Variants in HERC5 observed in about 807,000 individuals in gnomAD.
HERC5 encodes the protein HECT and RLD domain containing E3 ubiquitin protein ligase 5.
A neutral mutation model predicts 119.6 loss-of-function variants in HERC5; 99 were observed. That is an observed-to-expected ratio of 0.83 (90% CI 0.70 to 0.98). The LOEUF (loss-of-function observed/expected upper bound fraction) is 0.98. Ranked by LOEUF, HERC5 falls within the 50% of genes least tolerant of loss-of-function variation. The pLI is 0.00. For synonymous variants in HERC5, 478 were observed against 445.9 expected, an observed-to-expected ratio of 1.07 and a Z score of -0.91; for missense variants, 1,267 against 1,241.3, an observed-to-expected ratio of 1.02 and a Z score of -0.31.
At chr4:88,472,846 A>G (rs773835373) in intron 11 of HERC5, among the ~76,000 whole-genome samples, 29 of 152,138 alleles carry the variant, frequency 1.9e-4, no homozygotes, top group African/African-American at 6.3e-4. Flanking sequence ...AACATTTTAT[A>G]TGCAAAGCAT....
At chr4:88,467,800 G>A in intron 7 of HERC5, 1 of 646,254 alleles carries the variant, frequency 1.5e-6, no homozygotes, top group Non-Finnish European at 1.9e-6. Context: ...CAGAGTCTGA[G>A]CTCTGAAACA....
intron 11 of HERC5, among the ~76,000 whole-genome samples, chr4:88,474,824 CTAAT>C (rs1183390685): frequency 6.6e-6 from 1 of 151,988 alleles, no homozygotes; most frequent in Non-Finnish European, 1.5e-5. Context: ...GTTAAATGAC[CTAAT>C]TAATATATGT....
rs1362134804 is a variant in HERC5, at chr4:88,467,141, G to A, written c.994G>A (p.Gly332Arg). The A allele has an allele frequency of 6.2e-7, 1 of 1,614,026 alleles. No homozygotes were observed. The highest frequency in any genetic ancestry group is 1.3e-5 in the African/African-American group (1 of 74,916). ...SGKDGQLGNG[G>R]TRDQLMPLPV... ...AAAAGATGGACAACTGGGAAATGGT[G>A]GAACACGTGACCAGCTGATGCCGCT... is the stretch of plus-strand genomic sequence containing the variant. The change falls in exon 7 of 23, where the codon GGA becomes AGA. Residue 332 changes from glycine (G) to arginine (R), a missense_variant. Gly to Arg is a moderately radical substitution (Grantham distance 125). This residue lies in a region of HERC5 where 777 missense variants were observed against 758.0 expected (regional missense o/e 1.03). Transcript: ENST00000264350.
rs111667763 is a variant in HERC5 at position 88,504,454 on chromosome 4, C to T, written c.2766+39C>T. ...TCTAAGTTGATTAAATTCAGTTTTC[C>T]TTCCTATTTCCTCAATAACTTTTTT... On this transcript the variant is annotated intron_variant, in intron 21 of 22. Coordinates refer to ENST00000264350, the MANE Select transcript of HERC5 (RefSeq NM_016323.4). The T allele has an allele frequency of 2.6e-6, 4 of 1,565,876 alleles. No homozygotes were observed. The African/African-American group carries it at 4.1e-5, about 16-fold the overall frequency.
In HERC5 at chr4:88,494,224, C is replaced by G. The variant is rs1741737162; in HGVS notation, c.2337C>G (p.Phe779Leu). Residue 779 changes from phenylalanine (F) to leucine (L), a missense_variant, in exon 18 of 23, where the codon TTC becomes TTG. Transcript: ENST00000264350. ...FFGVLCGLSL[F>L]NCNVANLPFP... is the part of the protein sequence containing the mutation. ...GGGTTCTATGTGGACTTTCCCTGTTCAATTGCAATGTTGCCAACCTTCCTT... is the reference window on the plus strand; with the variant it reads ...GGGTTCTATGTGGACTTTCCCTGTTGAATTGCAATGTTGCCAACCTTCCTT... 1 of 1,613,054 alleles carries G rather than the reference C, an allele frequency of 6.2e-7. No homozygotes were observed. The highest frequency in any genetic ancestry group is 8.5e-7 in the Non-Finnish European group (1 of 1,179,446).
intron 16 of HERC5, among the ~76,000 whole-genome samples, chr4:88,491,723 G>T (rs573215919): frequency 6.6e-6 from 1 of 152,158 alleles, no homozygotes; most frequent in Non-Finnish European, 1.5e-5. Context: ...AGTTTGGCAA[G>T]AGTGGAAGGA....
At position 88,460,078 on chromosome 4, in the gene HERC5, G is replaced by C. The variant is rs775962643; in HGVS notation, c.390-17G>C. ...TTCATTATGGTGATTAACACAAAGTGTATTTTCCTTCATCAGGTTTGAAAG... is the reference window on the plus strand; with the variant it reads ...TTCATTATGGTGATTAACACAAAGTCTATTTTCCTTCATCAGGTTTGAAAG... On this transcript the variant is annotated splice_polypyrimidine_tract_variant and intron_variant, in intron 2 of 22. Transcript: ENST00000264350. The C allele has an allele frequency of 8.9e-6, 12 of 1,348,194 alleles. No homozygotes were observed. The highest frequency in any genetic ancestry group is 1.4e-5 in the African/African-American group (1 of 69,746). 83.5% of individuals were successfully genotyped at this position (1,348,194 alleles called of 1,614,324 possible). A position where few individuals can be genotyped will look rare whatever the true frequency, so the allele number is the denominator to read the frequency against.
Position 88,504,276 on chromosome 4 carries a change from C to G in HERC5, c.2627C>G (p.Ser876Cys). The G allele has an allele frequency of 6.2e-7, 1 of 1,610,924 alleles. No homozygotes were observed. The highest frequency in any genetic ancestry group is 8.5e-7 in the Non-Finnish European group (1 of 1,177,612). The change falls in exon 21 of 23, where the codon TCT becomes TGT. Residue 876 changes from serine to cysteine, a missense_variant. Coordinates refer to ENST00000264350, the MANE Select transcript of HERC5 (RefSeq NM_016323.4). ...TATATCAATTACATTTTCAACGACT[C>G]TGTAAAGGCGGTTTATGAAGAATTT... is the stretch of plus-strand genomic sequence containing the variant. ...SKYINYIFNDSVKAVYEEFRR... is the reference protein window; with the variant it reads ...SKYINYIFNDCVKAVYEEFRR...
rs780147043 is a variant in HERC5, at chr4:88,475,938, C to G, written c.1490C>G (p.Pro497Arg). Reference protein sequence around the residue: ...LEIFFLLPECPMMHISNNWES... With the variant: ...LEIFFLLPECRMMHISNNWES... ...ATTTTCTTCCTTCTCCCAGAATGTC[C>G]TATGATGCATATTTCCAACAACTGG... Residue 497 changes from proline to arginine, a missense_variant, in exon 12 of 23, where the codon CCT becomes CGT. Physicochemically the swap from Pro to Arg is moderately radical, Grantham distance 103. Around this residue, in one of 3 missense-constraint regions of HERC5, gnomAD observed 777 missense variants for 758.0 expected, o/e 1.03. Coordinates refer to ENST00000264350, the MANE Select transcript of HERC5 (RefSeq NM_016323.4). 3.7e-6 allele frequency: 6 copies of G among 1,613,754 alleles called. No homozygotes were observed. The highest frequency in any genetic ancestry group is 4.2e-6 in the Non-Finnish European group (5 of 1,179,878).
At chr4:88,492,832 G>T (rs188524317) in intron 16 of HERC5, among the ~76,000 whole-genome samples, 180 bp from the exon 17 acceptor site, 1 of 152,220 alleles carries the variant, frequency 6.6e-6, no homozygotes, top group South Asian at 2.1e-4. Flanking sequence ...TCAAGGCCTC[G>T]TTATCTCATA....
At position 88,494,335 on chromosome 4, in the gene HERC5, A is replaced by G. The variant is rs1249186901; in HGVS notation, c.2444+4A>G. The G allele has an allele frequency of 6.2e-7, 1 of 1,610,888 alleles. No individual in the cohort carries two copies. The highest frequency in any genetic ancestry group is 2.2e-5 in the East Asian group (1 of 44,724). ...AACTCAGTCCTGATTTGGGAAAGTA[A>G]GTAAACAGAGTTCCTGAGAAAGGAC... On this transcript the variant is annotated splice_donor_region_variant and intron_variant, in intron 18 of 22. Coordinates refer to ENST00000264350, the MANE Select transcript of HERC5 (RefSeq NM_016323.4).
chr4:88,474,656 A>G (rs1399949296), intron 11 of HERC5, among the ~76,000 whole-genome samples: 1 of 152,188 alleles, frequency 6.6e-6, no homozygotes, highest in Admixed American at 6.5e-5. Context: ...CTCATAATAT[A>G]ATGATTAAGA....
intron 3 of HERC5, 111 bp downstream of exon 3, chr4:88,460,282 A>C: frequency 1.9e-6 from 1 of 522,032 alleles, no homozygotes; most frequent in Non-Finnish European, 3.4e-6. Flanking sequence ...ACAGTTTTGA[A>C]TTTGATATGG....
In HERC5 at chr4:88,479,607, C is replaced by T. The variant is rs539917279; in HGVS notation, c.1737+100C>T. 173 of 912,058 alleles carry T rather than the reference C, an allele frequency of 1.9e-4. No individual in the cohort carries two copies. In the African/African-American group the frequency reaches 1.9e-3, roughly 10 times the overall value. The allele number at this position is 912,058 out of a possible 1,614,324, so 56.5% of individuals were successfully genotyped here. A position where few individuals can be genotyped will look rare whatever the true frequency, so the allele number is the denominator to read the frequency against. ...TTTAAGTAGACTCGTGTGAGACATA[C>T]GAAGTTTATATTGCTATTTTTTTAA... On this transcript the variant is annotated intron_variant, in intron 13 of 22. Coordinates refer to ENST00000264350, the MANE Select transcript of HERC5 (RefSeq NM_016323.4).
At chr4:88,501,058 T>G (rs1578069336) in intron 20 of HERC5, 73 bp downstream of exon 20, 2 of 1,007,892 alleles carry the variant, frequency 2.0e-6, no homozygotes, top group East Asian at 5.0e-5. Flanking sequence ...AAAATTCCTT[T>G]TAGCTCTTTA....
chr4:88,467,029 G>GAATC, intron 6 of HERC5, 30 bp from the exon 7 acceptor site: 2 of 1,610,110 alleles, frequency 1.2e-6, no homozygotes, highest in Non-Finnish European at 1.7e-6. Context: ...GGATAATTAA[G>GAATC]AATTGACCAT....
intron 22 of HERC5, among the ~76,000 whole-genome samples, chr4:88,505,393 A>ATGACACCTCTTCGGGCTGTC (rs1168461991): frequency 2.0e-5 from 3 of 152,322 alleles, no homozygotes; most frequent in Non-Finnish European, 4.4e-5. Context: ...ACTTAACTCC[A>ATGACACCTCTTCGGGCTGTC]TGACACCTCT....
intron 17 of HERC5, 45 bp downstream of exon 17, chr4:88,493,200 G>T (rs758267111): frequency 6.3e-7 from 1 of 1,585,730 alleles, no homozygotes; most frequent in Non-Finnish European, 8.6e-7. Flanking sequence ...GACAGAAAAA[G>T]TACACCATAT....
In HERC5 at chr4:88,462,253, G is replaced by A; in HGVS notation, c.585G>A (p.Gln195=). Reference sequence around the variant, plus strand: ...ACCTCGCAGGAGTACCCTTGGCTCAGATTTCTGCCGGAGAAGCCCACAGCA... The same window carrying A: ...ACCTCGCAGGAGTACCCTTGGCTCAAATTTCTGCCGGAGAAGCCCACAGCA... The part of the protein sequence containing the change: ...VEHLAGVPLA[Q]ISAGEAHSMA... Residue 195 remains glutamine, a synonymous_variant, in exon 4 of 23, where the codon CAG becomes CAA. Transcript: ENST00000264350. 6.2e-7 allele frequency: 1 copy of A among 1,614,212 alleles called. No homozygotes were observed. The highest frequency in any genetic ancestry group is 1.1e-5 in the South Asian group (1 of 91,074).
Sources: gnomAD v4.1 joint callset for allele counts (sites outside exome capture counted in the v4.1 genomes callset) on GRCh38, gnomAD v4.1.1 for gene constraint, gnomAD v4.1.1 regional missense constraint, MANE v1.5 for transcripts, NCBI Gene and HGNC (gene_info 2026-07-23, HGNC 2026-07-21) for gene names.